Variants in MAML2 observed in about 807,000 individuals in gnomAD.
MAML2 encodes mastermind-like protein 2.
A neutral mutation model predicts 96.1 loss-of-function variants in MAML2; 22 were observed. The observed-to-expected ratio is 0.23, with a 90% CI of 0.16 to 0.33. The LOEUF (loss-of-function observed/expected upper bound fraction) is 0.33, where lower values mean the gene tolerates loss of function less well. Ranked by LOEUF, MAML2 falls within the 10% of genes least tolerant of loss-of-function variation. MAML2 has a pLI of 1.00. For missense variants in MAML2, 1,367 were observed against 1,392.4 expected, an observed-to-expected ratio of 0.98 and a Z score of 0.29; for synonymous variants, 561 against 521.3, an observed-to-expected ratio of 1.08 and a Z score of -1.04.
chr11:96,285,586 T>C (rs1025252788), intron 1 of MAML2, among the ~76,000 whole-genome samples: 2 of 151,816 alleles, frequency 1.3e-5, no homozygotes, highest in African/African-American at 4.8e-5. Flanking sequence ...CTGACAAAGG[T>C]CTAATATCCA....
rs1164181073 is a variant in MAML2 at position 95,976,663 on chromosome 11, A to G, written c.*2285T>C. On this transcript the variant is annotated 3_prime_UTR_variant, in exon 5 of 5. Coordinates refer to ENST00000524717, the MANE Select transcript of MAML2 (RefSeq NM_032427.4). ...AATAGACATTAATTATGAAATTCACATTAAGATAGAAGAAAATCCAAACAT... is the reference window on the plus strand; with the variant it reads ...AATAGACATTAATTATGAAATTCACGTTAAGATAGAAGAAAATCCAAACAT... 1 of 176,504 alleles carries G rather than the reference A, an allele frequency of 5.7e-6. No individual in the cohort carries two copies. Among genetic ancestry groups the G allele is most frequent in the Non-Finnish European group, 1.2e-5 (1 of 82,026 alleles). 10.9% of individuals were successfully genotyped at this position (176,504 alleles called of 1,614,324 possible).
chr11:96,252,679 C>G (rs537063625), intron 1 of MAML2, among the ~76,000 whole-genome samples: 1 of 152,230 alleles, frequency 6.6e-6, no homozygotes, highest in East Asian at 1.9e-4. Context: ...GAGGCAGACA[C>G]TAACATCACT....
chr11:96,080,987 A>G (rs1318322504), intron 2 of MAML2, among the ~76,000 whole-genome samples: 1 of 152,170 alleles, frequency 6.6e-6, no homozygotes, highest in Non-Finnish European at 1.5e-5. Context: ...TATAATGGGC[A>G]TTTTAATTAT....
chr11:96,218,337 C>T (rs950290711), intron 1 of MAML2, among the ~76,000 whole-genome samples: 2 of 152,150 alleles, frequency 1.3e-5, no homozygotes, highest in East Asian at 3.8e-4. Context: ...TCGGTGAACC[C>T]CACTTAATTG....
chr11:96,330,713 C>T (rs1209589914), intron 1 of MAML2, among the ~76,000 whole-genome samples: 1 of 152,166 alleles, frequency 6.6e-6, no homozygotes, highest in Non-Finnish European at 1.5e-5. Flanking sequence ...AGTCGGGGCA[C>T]CTTGGTTCTC....
intron 1 of MAML2, among the ~76,000 whole-genome samples, chr11:96,138,778 G>A (rs945211595): frequency 2.0e-5 from 3 of 151,690 alleles, no homozygotes; most frequent in Admixed American, 1.3e-4. Flanking sequence ...GAGTTTCTAT[G>A]ATCCCCAGAA....
At chr11:96,209,436 G>A (rs960181786) in intron 1 of MAML2, among the ~76,000 whole-genome samples, 5 of 152,028 alleles carry the variant, frequency 3.3e-5, no homozygotes, top group Non-Finnish European at 5.9e-5. Context: ...TCAGGAGTTC[G>A]AGACCAGACT....
At chr11:96,284,013 C>T (rs1256082197) in intron 1 of MAML2, among the ~76,000 whole-genome samples, 1 of 152,024 alleles carries the variant, frequency 6.6e-6, no homozygotes, top group Non-Finnish European at 1.5e-5. Flanking sequence ...CAACTATATC[C>T]TTCTATCAAA....
chr11:96,137,861 A>G (rs1031763101), intron 1 of MAML2, among the ~76,000 whole-genome samples: 8 of 152,212 alleles, frequency 5.3e-5, no homozygotes, highest in African/African-American at 1.9e-4. Flanking sequence ...TTTTTTAACA[A>G]TCTTTTTTAT....
At chr11:96,224,235 A>G (rs1014789628) in intron 1 of MAML2, among the ~76,000 whole-genome samples, 1 of 152,218 alleles carries the variant, frequency 6.6e-6, no homozygotes, top group Non-Finnish European at 1.5e-5. Flanking sequence ...TTAGTAGTAC[A>G]ATGATCCACA....
intron 1 of MAML2, among the ~76,000 whole-genome samples, chr11:96,105,030 C>T (rs1161512488): frequency 6.6e-6 from 1 of 152,140 alleles, no homozygotes; most frequent in Non-Finnish European, 1.5e-5. Flanking sequence ...AAATAATTCC[C>T]AACTAAAACA....
intron 1 of MAML2, among the ~76,000 whole-genome samples, chr11:96,240,287 A>T (rs1392944013): frequency 6.6e-6 from 1 of 152,162 alleles, no homozygotes; most frequent in Non-Finnish European, 1.5e-5. Context: ...AGCTGATGTC[A>T]CGCCTGTAAT....
intron 1 of MAML2, among the ~76,000 whole-genome samples, chr11:96,269,719 C>G (rs1374700614): frequency 7.0e-6 from 1 of 143,738 alleles, no homozygotes; most frequent in Non-Finnish European, 1.5e-5. Flanking sequence ...CCATGTTGGC[C>G]AGGCTGACCT....
intron 2 of MAML2, among the ~76,000 whole-genome samples, chr11:96,000,925 TGAA>T (rs2135717563): frequency 6.6e-6 from 1 of 152,314 alleles, no homozygotes; most frequent in South Asian, 2.1e-4. Flanking sequence ...GTGGTGGAGA[TGAA>T]GGTCAAGCTT....
chr11:95,992,112 T>C (rs538380691), intron 2 of MAML2, among the ~76,000 whole-genome samples: 2 of 152,374 alleles, frequency 1.3e-5, no homozygotes, highest in African/African-American at 2.4e-5. Context: ...GTATCATTGC[T>C]GATCCTGCAA....
chr11:96,062,011 C>T (rs1049357744), intron 2 of MAML2, among the ~76,000 whole-genome samples: 2 of 152,046 alleles, frequency 1.3e-5, no homozygotes, highest in Admixed American at 6.5e-5. Context: ...CCACTTTAAG[C>T]ATTATTTATA....
chr11:95,981,214 G>A (rs947420276), intron 4 of MAML2, among the ~76,000 whole-genome samples: 10 of 152,160 alleles, frequency 6.6e-5, no homozygotes, highest in African/African-American at 1.9e-4. Context: ...GCCATGTGAC[G>A]AGAGCCTGGT....
chr11:96,032,354 C>T (rs531588225), intron 2 of MAML2, among the ~76,000 whole-genome samples: 10 of 151,998 alleles, frequency 6.6e-5, no homozygotes, highest in African/African-American at 2.2e-4. Flanking sequence ...TTTGGGAGGC[C>T]GAGGCAGGTG....
intron 4 of MAML2, among the ~76,000 whole-genome samples, chr11:95,982,272 T>G (rs765336591): frequency 1.3e-4 from 20 of 152,176 alleles, no homozygotes; most frequent in Non-Finnish European, 4.4e-5. Context: ...GCTAGGTGCC[T>G]ACCCAATATC....
Sources: allele counts gnomAD v4.1 joint callset (sites outside exome capture counted in the v4.1 genomes callset), GRCh38; gene constraint gnomAD v4.1.1; transcripts MANE v1.5; gene names NCBI Gene and HGNC (gene_info 2026-07-23, HGNC 2026-07-21).